FZD3: variants seen among roughly 807,000 people sequenced by gnomAD.
The protein encoded by FZD3 is frizzled class receptor 3.
Under a neutral mutation model 60.7 loss-of-function variants are expected in FZD3, and 30 were observed. That is an observed-to-expected ratio of 0.49 (90% CI 0.37 to 0.67). The LOEUF (loss-of-function observed/expected upper bound fraction) is 0.67, where lower values mean the gene tolerates loss of function less well. Ranked by LOEUF, FZD3 falls within the 30% of genes least tolerant of loss-of-function variation. The pLI is 0.00. For missense variants in FZD3, 605 were observed against 838.7 expected (o/e 0.72, Z 3.44); for synonymous variants, 246 against 275.2 (o/e 0.89, Z 1.05).
intron 3 of FZD3, among the ~76,000 whole-genome samples, chr8:28,513,787 G>A (rs1317756670): frequency 6.6e-6 from 1 of 152,094 alleles, no homozygotes; most frequent in African/African-American, 2.4e-5. Flanking sequence ...ACCCCATAGG[G>A]TACAGTTTCT....
chr8:28,563,558 T>C lies in FZD3; in HGVS notation c.*547T>C, dbSNP rs1305544508. ...GGTATTTTAGCTAATAGAATAAAAGTGCAACAGAAGAATTTGATTAGTCTA... is the reference window on the plus strand; with the variant it reads ...GGTATTTTAGCTAATAGAATAAAAGCGCAACAGAAGAATTTGATTAGTCTA... On this transcript the variant is annotated 3_prime_UTR_variant, in exon 8 of 8. Transcript: ENST00000240093. The C allele has an allele frequency of 6.4e-6, 1 of 155,058 alleles. No individual in the cohort carries two copies. Among genetic ancestry groups the C allele is most frequent in the Non-Finnish European group, 1.4e-5 (1 of 69,876 alleles). 9.6% of individuals were successfully genotyped at this position (155,058 alleles called of 1,614,324 possible).
chr8:28,541,177 T>C (rs1805157538), intron 5 of FZD3, among the ~76,000 whole-genome samples: 1 of 152,260 alleles, frequency 6.6e-6, no homozygotes, highest in Non-Finnish European at 1.5e-5. Context: ...GGGACACTCC[T>C]TCTTTATAGC....
chr8:28,533,257 C>G (rs565311208), intron 5 of FZD3, among the ~76,000 whole-genome samples: 2 of 151,748 alleles, frequency 1.3e-5, no homozygotes, highest in African/African-American at 4.8e-5. Context: ...AGGCAGGTCT[C>G]AAACTCCTGG....
chr8:28,567,967 GT>G lies in FZD3; in HGVS notation c.*4957del, dbSNP rs1443051786. Reference sequence around the variant, plus strand: ...TTGTCTTTGACTTTTTGGCTTTTATGTACCTCATTTTTTCTGATTGAGAAAA... The same window carrying G: ...TTGTCTTTGACTTTTTGGCTTTTATGACCTCATTTTTTCTGATTGAGAAAA... On this transcript the variant is annotated 3_prime_UTR_variant, in exon 8 of 8. Transcript: ENST00000240093. 6.6e-6 allele frequency: 1 copy of G among 152,130 alleles called. No individual in the cohort carries two copies. The highest frequency in any genetic ancestry group is 6.5e-5 in the Admixed American group (1 of 15,280). The allele number at this position is 152,130 out of a possible 1,614,324, so 9.4% of individuals were successfully genotyped here.
chr8:28,510,971 AG>A (rs1237023778), intron 3 of FZD3, among the ~76,000 whole-genome samples: 1 of 152,072 alleles, frequency 6.6e-6, no homozygotes. Context: ...CGGGAGGCAG[AG>A]GTTGCAGTGA....
intron 3 of FZD3, among the ~76,000 whole-genome samples, chr8:28,505,488 C>T (rs1018421660): frequency 3.3e-5 from 5 of 152,072 alleles, no homozygotes; most frequent in Non-Finnish European, 5.9e-5. Flanking sequence ...GTAGCTGGGA[C>T]TACAGGTGTG....
At chr8:28,546,383 G>C (rs1805293135) in intron 5 of FZD3, among the ~76,000 whole-genome samples, 1 of 152,166 alleles carries the variant, frequency 6.6e-6, no homozygotes, top group African/African-American at 2.4e-5. Context: ...CAGAGAGCCA[G>C]TTGTTAAAAC....
chr8:28,558,203 A>T (rs986463971), intron 7 of FZD3, among the ~76,000 whole-genome samples: 4 of 152,186 alleles, frequency 2.6e-5, no homozygotes, highest in African/African-American at 9.7e-5. Flanking sequence ...AGAAAATCAG[A>T]TTTGTATTTT....
chr8:28,557,902 A>G (rs1805541503), intron 7 of FZD3, among the ~76,000 whole-genome samples: 1 of 152,244 alleles, frequency 6.6e-6, no homozygotes, highest in African/African-American at 2.4e-5. Context: ...AAATATGTAC[A>G]GGGTGCATTG....
chr8:28,546,789 C>T (rs1214256084), intron 5 of FZD3, among the ~76,000 whole-genome samples: 1 of 152,048 alleles, frequency 6.6e-6, no homozygotes, highest in African/African-American at 2.4e-5. Flanking sequence ...TCCTGGCTAA[C>T]ACAGTGAAAC....
chr8:28,547,962 T>G (rs1805332882), intron 5 of FZD3, among the ~76,000 whole-genome samples: 1 of 151,626 alleles, frequency 6.6e-6, no homozygotes, highest in Admixed American at 6.6e-5. Flanking sequence ...AAGCAATTCT[T>G]CAGTCTCAGC....
chr8:28,528,064 T>A lies in FZD3; in HGVS notation c.1304T>A (p.Val435Glu), dbSNP rs1804764754. The A allele has an allele frequency of 6.2e-7, 1 of 1,613,934 alleles. No homozygotes were observed. Among genetic ancestry groups the A allele is most frequent in the Non-Finnish European group, 8.5e-7 (1 of 1,179,818 alleles). The stretch of plus-strand genomic sequence containing the variant: ...CTTTATCTCGTACCACTCTTGGTTG[T>A]AATTGGATGCTACTTTTATGAGCAA... ...SILYLVPLLVVIGCYFYEQAY... is the reference protein window; with the variant it reads ...SILYLVPLLVEIGCYFYEQAY... Residue 435 changes from valine (V) to glutamate (E), a missense_variant, in exon 5 of 8, where the codon GTA becomes GAA. By Grantham distance (121) the Val-to-Glu change is moderately radical. Transcript: ENST00000240093.
chr8:28,551,521 G>T, intron 5 of FZD3, 82 bp from the exon 6 acceptor site: 1 of 1,109,886 alleles, frequency 9.0e-7, no homozygotes. Context: ...TGTCTCAAAA[G>T]AAAAAGAAAA....
Position 28,562,834 on chromosome 8 carries a change from ACTACCTCAT to A in FZD3, c.1825_1833del (p.Leu609_His611del). The A allele has an allele frequency of 6.2e-7, 1 of 1,613,074 alleles. No homozygotes were observed. Among genetic ancestry groups the A allele is most frequent in the African/African-American group, 1.3e-5 (1 of 75,006 alleles). ...GCAGTTACAGAGGAATGGAGGAGAG[ACTACCTCAT>A]GGCAGCATGTCACGACTAACAGATC... On this transcript the variant is annotated inframe_deletion, in exon 8 of 8. Coordinates refer to ENST00000240093, the MANE Select transcript of FZD3 (RefSeq NM_017412.4).
In FZD3 at chr8:28,529,776, A is replaced by G. The variant is rs117973407; in HGVS notation, c.1404+1612A>G. 2.0e-4 allele frequency among the ~76,000 whole-genome samples: 31 copies of G among 152,290 alleles called. No homozygotes were observed. The East Asian group carries it at 4.6e-3, about 23-fold the overall frequency. ...AAAATGAATAATTGAAATTCCATTCAATTTCTTGCCAGAACTGCTTACTAA... is the reference window on the plus strand; with the variant it reads ...AAAATGAATAATTGAAATTCCATTCGATTTCTTGCCAGAACTGCTTACTAA... On this transcript the variant is annotated intron_variant, in intron 5 of 7. Coordinates refer to ENST00000240093, the MANE Select transcript of FZD3 (RefSeq NM_017412.4).
chr8:28,494,927 C>T (rs1300353266), intron 1 of FZD3, among the ~76,000 whole-genome samples: 1 of 152,172 alleles, frequency 6.6e-6, no homozygotes, highest in Non-Finnish European at 1.5e-5. Context: ...GAAAGTTTCC[C>T]CTCCCGTCCA....
chr8:28,518,343 C>T (rs1426943811), intron 3 of FZD3, among the ~76,000 whole-genome samples: 2 of 152,030 alleles, frequency 1.3e-5, no homozygotes, highest in Non-Finnish European at 2.9e-5. Context: ...CAGCCGTGAG[C>T]CATTGCGTCC....
chr8:28,505,631 A>G (rs373986465), intron 3 of FZD3, among the ~76,000 whole-genome samples: 10 of 152,306 alleles, frequency 6.6e-5, no homozygotes, highest in African/African-American at 2.2e-4. Context: ...GATTATAGGC[A>G]TGAGCCACCG....
chr8:28,517,037 CCA>C (rs1473330314), intron 3 of FZD3, among the ~76,000 whole-genome samples: 1 of 152,024 alleles, frequency 6.6e-6, no homozygotes, highest in Non-Finnish European at 1.5e-5. Context: ...TTATATTTTC[CCA>C]CAGTCATCCC....
Sources: allele counts gnomAD v4.1 joint callset (sites outside exome capture counted in the v4.1 genomes callset), GRCh38; gene constraint gnomAD v4.1.1; transcripts MANE v1.5; gene names NCBI Gene and HGNC (gene_info 2026-07-23, HGNC 2026-07-21).